Variants in GPATCH8 observed in about 807,000 individuals in gnomAD.
The protein encoded by GPATCH8 is G patch domain-containing protein 8.
Under a neutral mutation model 118.3 loss-of-function variants are expected in GPATCH8, and 18 were observed. The observed-to-expected ratio is 0.15, with a 90% CI of 0.11 to 0.23. GPATCH8 has a LOEUF of 0.23. Among genes scored for constraint, GPATCH8 ranks in the 10% least tolerant of loss-of-function variants. The pLI is 1.00. For synonymous variants in GPATCH8, 659 were observed against 684.7 expected, an observed-to-expected ratio of 0.96 and a Z score of 0.59; for missense variants, 1,631 against 1,873.8, an observed-to-expected ratio of 0.87 and a Z score of 2.39.
intron 3 of GPATCH8, among the ~76,000 whole-genome samples, chr17:44,462,906 G>A (rs1021375945): frequency 9.9e-5 from 15 of 152,106 alleles, no homozygotes; most frequent in African/African-American, 2.9e-4. Flanking sequence ...GCGTGAACCC[G>A]GGAGGTGGAG....
intron 3 of GPATCH8, among the ~76,000 whole-genome samples, chr17:44,453,528 T>TGTGCGCGC (rs1555636870): frequency 6.6e-6 from 1 of 150,584 alleles, no homozygotes; most frequent in African/African-American, 2.5e-5. Flanking sequence ...TGTGTGTGTG[T>TGTGCGCGC]GTGCAGGCGC....
chr17:44,460,709 A>G (rs2051512350), intron 3 of GPATCH8, among the ~76,000 whole-genome samples: 1 of 152,260 alleles, frequency 6.6e-6, no homozygotes, highest in African/African-American at 2.4e-5. Flanking sequence ...ACAATGAACT[A>G]GTCAATGTGA....
intron 1 of GPATCH8, among the ~76,000 whole-genome samples, chr17:44,475,871 A>T (rs548523828): frequency 7.2e-4 from 109 of 151,784 alleles, no homozygotes; most frequent in South Asian, 3.3e-3. Flanking sequence ...ACAAAAAAAA[A>T]TTTTTTAATT....
chr17:44,493,308 A>AAAGT (rs1483600108), intron 1 of GPATCH8, among the ~76,000 whole-genome samples: 2 of 151,894 alleles, frequency 1.3e-5, no homozygotes, highest in African/African-American at 4.8e-5. Flanking sequence ...TTATCCACCC[A>AAAGT]CCTTGGCCTC....
intron 3 of GPATCH8, among the ~76,000 whole-genome samples, 155 bp downstream of exon 3, chr17:44,464,317 A>G (rs1157288142): frequency 3.9e-5 from 6 of 152,240 alleles, no homozygotes; most frequent in Admixed American, 3.9e-4. Flanking sequence ...AGTGACTTAA[A>G]ATACAGTTAT....
rs539263297 is a variant in GPATCH8, at chr17:44,405,614, C to T, written c.623+307G>A. ...CTGCCTCTCAGGTTCACGCCATTCT[C>T]CTGCCTCAGCCTCCAGAGTAGCTGG... On this transcript the variant is annotated intron_variant, in intron 7 of 7. Coordinates refer to ENST00000591680, the MANE Select transcript of GPATCH8 (RefSeq NM_001002909.4). 2.0e-5 allele frequency among the ~76,000 whole-genome samples: 3 copies of T among 152,236 alleles called. 1 individual carries two copies. The highest frequency in any genetic ancestry group is 7.2e-5 in the African/African-American group (3 of 41,524).
At chr17:44,485,937 C>T (rs1256690366) in intron 1 of GPATCH8, among the ~76,000 whole-genome samples, 1 of 152,196 alleles carries the variant, frequency 6.6e-6, no homozygotes, top group African/African-American at 2.4e-5. Context: ...CCCTGTCACC[C>T]AAGCTACGGG....
At chr17:44,482,588 A>C (rs1427003393) in intron 1 of GPATCH8, among the ~76,000 whole-genome samples, 4 of 151,710 alleles carry the variant, frequency 2.6e-5, no homozygotes, top group Admixed American at 2.0e-4. Context: ...AAAAAAAAAA[A>C]AAAACCAAAC....
intron 1 of GPATCH8, among the ~76,000 whole-genome samples, chr17:44,477,760 T>A (rs1397859105): frequency 6.6e-6 from 1 of 151,618 alleles, no homozygotes; most frequent in Non-Finnish European, 1.5e-5. Context: ...AAAGCAGTCA[T>A]GAACAAATGA....
intron 5 of GPATCH8, among the ~76,000 whole-genome samples, chr17:44,426,876 TCTCTCA>T (rs1359436634): frequency 6.7e-6 from 1 of 148,282 alleles, no homozygotes; most frequent in East Asian, 2.0e-4. Context: ...TCTCTCTCTC[TCTCTCA>T]CACTCTCTCT....
intron 3 of GPATCH8, among the ~76,000 whole-genome samples, chr17:44,441,584 C>T (rs760812934): frequency 1.9e-4 from 29 of 150,594 alleles, no homozygotes; most frequent in Non-Finnish European, 4.0e-4. Flanking sequence ...ATTAGCTGGG[C>T]GTGGTGGCGG....
chr17:44,467,146 G>T (rs1280628397), intron 2 of GPATCH8: 1 of 1,135,292 alleles, frequency 8.8e-7, no homozygotes, highest in Non-Finnish European at 1.2e-6. Flanking sequence ...GTAACACAAA[G>T]TAAGAAACTG....
Position 44,398,888 on chromosome 17 carries a change from T to C in GPATCH8, c.3189A>G (p.Pro1063=), listed in dbSNP as rs778242980. 1.2e-5 allele frequency: 19 copies of C among 1,613,976 alleles called. No homozygotes were observed. In the South Asian group the frequency reaches 1.2e-4, roughly 10 times the overall value. The change falls in exon 8 of 8, where the codon CCA becomes CCG. Residue 1063 remains proline (P), a synonymous_variant. Coordinates refer to ENST00000591680, the MANE Select transcript of GPATCH8 (RefSeq NM_001002909.4). ...TGCCAATGTTGCTGTTCTGGGAAGGTGGACCTGTTGCTTTACTGTCATCTC... is the reference window on the plus strand; with the variant it reads ...TGCCAATGTTGCTGTTCTGGGAAGGCGGACCTGTTGCTTTACTGTCATCTC... The part of the protein sequence containing the change: ...GRGDDSKATG[P]PSQNSNIGTG...
At chr17:44,451,477 A>G (rs2051110067) in intron 3 of GPATCH8, among the ~76,000 whole-genome samples, 1 of 152,228 alleles carries the variant, frequency 6.6e-6, no homozygotes, top group Non-Finnish European at 1.5e-5. Flanking sequence ...ATAAATGCAC[A>G]GTAATTACTA....
In GPATCH8 at chr17:44,397,054, G is replaced by A. The variant is rs2048804147; in HGVS notation, c.*514C>T. The A allele has an allele frequency of 1.3e-5, 6 of 453,996 alleles. No individual in the cohort carries two copies. The highest frequency in any genetic ancestry group is 4.7e-5 in the South Asian group (3 of 64,472). 28.1% of individuals were successfully genotyped at this position (453,996 alleles called of 1,614,324 possible). A position where few individuals can be genotyped will look rare whatever the true frequency, so the allele number is the denominator to read the frequency against. On this transcript the variant is annotated 3_prime_UTR_variant, in exon 8 of 8. Coordinates refer to ENST00000591680, the MANE Select transcript of GPATCH8 (RefSeq NM_001002909.4). ...TCCACCTCACCTGGGATAACGTAAC[G>A]TCACCAAAGATGGTCAAAGATACTA...
chr17:44,471,684 T>C (rs1967290092), intron 2 of GPATCH8, among the ~76,000 whole-genome samples: 1 of 152,122 alleles, frequency 6.6e-6, no homozygotes, highest in African/African-American at 2.4e-5. Flanking sequence ...CATTTTCCCC[T>C]AAAAACAAAA....
intron 6 of GPATCH8, among the ~76,000 whole-genome samples, chr17:44,411,618 A>T (rs1298135090): frequency 6.6e-6 from 1 of 152,180 alleles, no homozygotes; most frequent in Non-Finnish European, 1.5e-5. Context: ...CATGTTCTAC[A>T]TTTACTCAGC....
chr17:44,415,901 G>T (rs78013701), intron 6 of GPATCH8, among the ~76,000 whole-genome samples: 12 of 152,198 alleles, frequency 7.9e-5, no homozygotes, highest in African/African-American at 1.9e-4. Flanking sequence ...ACAAGAGAAT[G>T]CCTGGTTTAC....
intron 3 of GPATCH8, among the ~76,000 whole-genome samples, chr17:44,442,677 C>A (rs938318279): frequency 6.6e-6 from 1 of 152,224 alleles, no homozygotes. Context: ...ATTGCTCAGG[C>A]TGGTCTCAAA....
Sources: gnomAD v4.1 joint callset for allele counts (sites outside exome capture counted in the v4.1 genomes callset) on GRCh38, gnomAD v4.1.1 for gene constraint, MANE v1.5 for transcripts, NCBI Gene and HGNC (gene_info 2026-07-23, HGNC 2026-07-21) for gene names.